Variants in DNAJC21 observed in about 807,000 individuals in gnomAD.
The protein encoded by DNAJC21 is DnaJ heat shock protein family (Hsp40) member C21, also known as dnaJ homolog subfamily C member 21.
A neutral mutation model predicts 72.4 loss-of-function variants in DNAJC21; 63 were observed. The observed-to-expected ratio is 0.87, with a 90% CI of 0.71 to 1.07. The LOEUF is 1.07. DNAJC21 is among the 50% of genes least tolerant of loss of function. The pLI is 0.00. For synonymous variants in DNAJC21, 203 were observed against 216.7 expected, an observed-to-expected ratio of 0.94 and a Z score of 0.56; for missense variants, 634 against 644.8, an observed-to-expected ratio of 0.98 and a Z score of 0.18.
chr5:34,937,624 A>C lies in DNAJC21; in HGVS notation c.737A>C (p.Gln246Pro), dbSNP rs777279263. 6.2e-7 allele frequency: 1 copy of C among 1,611,416 alleles called. No homozygotes were observed. Among genetic ancestry groups the C allele is most frequent in the Non-Finnish European group, 8.5e-7 (1 of 1,178,458 alleles). Residue 246 changes from glutamine (Q) to proline (P), a missense_variant, in exon 5 of 12, where the codon CAG (glutamine) becomes CCG (proline). Transcript: ENST00000648817. ...EEMRRQQKLK[Q>P]AKLVEQYREQ... Reference sequence around the variant, plus strand: ...ATGAGGCGGCAGCAGAAGCTAAAGCAGGCCAAGTGCGTAGCGTGCGTGGGG... The same window carrying C: ...ATGAGGCGGCAGCAGAAGCTAAAGCCGGCCAAGTGCGTAGCGTGCGTGGGG...
In DNAJC21 at chr5:34,937,380, G is replaced by T; in HGVS notation, c.493G>T (p.Ala165Ser). ...GAGTTTCTGCACTCAAAAGAATTTT[G>T]CATGGAAGGAAGAATATGATACACG... Reference protein sequence around the residue: ...WQSFCTQKNFAWKEEYDTRQA... With the variant: ...WQSFCTQKNFSWKEEYDTRQA... The change falls in exon 5 of 12, where the codon GCA becomes TCA. Residue 165 changes from alanine (A) to serine (S), a missense_variant. By Grantham distance (99) the Ala-to-Ser change is moderately conservative. Coordinates refer to ENST00000648817, the MANE Select transcript of DNAJC21 (RefSeq NM_001012339.3). 1.2e-6 allele frequency: 2 copies of T among 1,613,780 alleles called. No homozygotes were observed. The highest frequency in any genetic ancestry group is 1.7e-6 in the Non-Finnish European group (2 of 1,179,952).
At chr5:34,938,718 C>T in intron 5 of DNAJC21, 140 bp from the exon 6 acceptor site, 1 of 916,224 alleles carries the variant, frequency 1.1e-6, no homozygotes, top group Non-Finnish European at 1.5e-6. Flanking sequence ...TTGGTTTTAA[C>T]TAAGCACAGG....
At chr5:34,950,597 C>G in intron 10 of DNAJC21, 1 of 1,100,246 alleles carries the variant, frequency 9.1e-7, no homozygotes, top group Non-Finnish European at 1.1e-6. Flanking sequence ...TGATCCAGTT[C>G]TTGTTTACCT....
At chr5:34,950,024 A>G (rs1765307167) in intron 9 of DNAJC21, 146 bp from the exon 10 acceptor site, 5 of 915,430 alleles carry the variant, frequency 5.5e-6, no homozygotes, top group East Asian at 5.7e-5. Flanking sequence ...TTAATTTACT[A>G]TCACTGTAAT....
chr5:34,941,016 T>A (rs1764968441), intron 6 of DNAJC21, 80 bp from the exon 7 acceptor site: 11 of 1,211,282 alleles, frequency 9.1e-6, no homozygotes, highest in South Asian at 6.9e-5. Flanking sequence ...AATAAAAAAA[T>A]TTAATTTCTA....
In DNAJC21 at chr5:34,929,779, C is replaced by T; in HGVS notation, c.-41C>T. 2.6e-6 allele frequency: 3 copies of T among 1,163,036 alleles called. No homozygotes were observed. The highest frequency in any genetic ancestry group is 3.3e-6 in the Non-Finnish European group (3 of 917,278). The allele number at this position is 1,163,036 out of a possible 1,614,324, so 72.0% of individuals were successfully genotyped here. On this transcript the variant is annotated 5_prime_UTR_variant, in exon 1 of 12. Coordinates refer to ENST00000648817, the MANE Select transcript of DNAJC21 (RefSeq NM_001012339.3). ...TTCGGCCCGGGCCCGGGCCCCGACC[C>T]CGTCCCGGGCCCCAGCGCCGGCCGC...
Position 34,954,821 on chromosome 5 carries a change from T to C in DNAJC21, c.*107T>C, listed in dbSNP as rs535489147. The C allele has an allele frequency of 3.5e-5, 42 of 1,202,068 alleles. No homozygotes were observed. The highest frequency in any genetic ancestry group is 4.6e-5 in the Non-Finnish European group (42 of 904,632). The allele number at this position is 1,202,068 out of a possible 1,614,324, so 74.5% of individuals were successfully genotyped here. A position where few individuals can be genotyped will look rare whatever the true frequency, so the allele number is the denominator to read the frequency against. ...TTTCAGTGATCTGCAATTAATTACA[T>C]TGTGGAAGATTATTTTTTATCTTGT... is the stretch of plus-strand genomic sequence containing the variant. On this transcript the variant is annotated 3_prime_UTR_variant, in exon 12 of 12. Transcript: ENST00000648817.
chr5:34,931,257 A>G (rs187574518), intron 1 of DNAJC21, among the ~76,000 whole-genome samples: 7 of 152,356 alleles, frequency 4.6e-5, no homozygotes, highest in African/African-American at 1.7e-4. Context: ...AAATGTGATT[A>G]TAAATATATT....
intron 9 of DNAJC21, chr5:34,949,485 A>C: frequency 6.5e-7 from 1 of 1,549,158 alleles, no homozygotes; most frequent in Non-Finnish European, 8.7e-7. Flanking sequence ...GTAACAGATA[A>C]TATTAGCATT....
At chr5:34,931,092 GGT>G (rs899838917) in intron 1 of DNAJC21, among the ~76,000 whole-genome samples, 34 of 152,128 alleles carry the variant, frequency 2.2e-4, no homozygotes, top group African/African-American at 8.2e-4. Flanking sequence ...GACTGAAGGT[GGT>G]GTGTATTGCA....
At chr5:34,930,096 T>C (rs27160) in intron 1 of DNAJC21, 180 bp downstream of exon 1, 324,125 of 422,946 alleles carry the variant, frequency 0.77, 126,615 homozygotes, top group Non-Finnish European at 0.84. Context: ...CGAAGCGCTC[T>C]GCCCTGGCGC....
At chr5:34,933,757 T>G in intron 1 of DNAJC21, 58 bp from the exon 2 acceptor site, 1 of 1,414,696 alleles carries the variant, frequency 7.1e-7, no homozygotes, top group Non-Finnish European at 9.8e-7. Context: ...GGAAAATGTC[T>G]TATTTAGATT....
intron 7 of DNAJC21, 78 bp downstream of exon 7, chr5:34,941,261 A>T (rs1293946753): frequency 1.5e-6 from 2 of 1,304,470 alleles, no homozygotes; most frequent in Non-Finnish European, 2.2e-6. Flanking sequence ...GCAGTGGCAC[A>T]GTCATGACTC....
intron 8 of DNAJC21, 66 bp from the exon 9 acceptor site, chr5:34,945,695 T>G: frequency 7.0e-7 from 1 of 1,437,564 alleles, no homozygotes. Context: ...GTTTCAACTT[T>G]TTTTTTTTTC....
intron 1 of DNAJC21, chr5:34,930,133 T>G: frequency 1.0e-4 from 33 of 329,412 alleles, no homozygotes; most frequent in East Asian, 2.0e-4. Context: ...CATCTCCTCA[T>G]ACCCGCGACC....
intron 9 of DNAJC21, among the ~76,000 whole-genome samples, chr5:34,946,823 T>C (rs1335637412): frequency 1.3e-5 from 2 of 152,182 alleles, no homozygotes; most frequent in Non-Finnish European, 2.9e-5. Context: ...CTGTATTACC[T>C]TGATTAATGG....
intron 1 of DNAJC21, among the ~76,000 whole-genome samples, chr5:34,932,096 A>AG (rs1764616892): frequency 6.6e-6 from 1 of 152,194 alleles, no homozygotes. Flanking sequence ...ACTTCTTAGA[A>AG]GGGAAGTATT....
intron 1 of DNAJC21, among the ~76,000 whole-genome samples, chr5:34,931,851 A>G (rs1215915713): frequency 6.6e-6 from 1 of 152,214 alleles, no homozygotes; most frequent in Non-Finnish European, 1.5e-5. Flanking sequence ...AGATTTGGTG[A>G]TTAATTAGAA....
Position 34,929,757 on chromosome 5 carries a change from G to A in DNAJC21, c.-63G>A. The A allele has an allele frequency of 1.1e-6, 1 of 894,538 alleles. No individual in the cohort carries two copies. The highest frequency in any genetic ancestry group is 1.4e-6 in the Non-Finnish European group (1 of 730,392). The allele number at this position is 894,538 out of a possible 1,614,324, so 55.4% of individuals were successfully genotyped here. ...CCAGCGCCGCCGCCGCCGCCGCTTC[G>A]GCCCGGGCCCGGGCCCCGACCCCGT... is the stretch of plus-strand genomic sequence containing the variant. On this transcript the variant is annotated 5_prime_UTR_variant, in exon 1 of 12. Coordinates refer to ENST00000648817, the MANE Select transcript of DNAJC21 (RefSeq NM_001012339.3).
Sources: allele counts gnomAD v4.1 joint callset (sites outside exome capture counted in the v4.1 genomes callset), GRCh38; gene constraint gnomAD v4.1.1; transcripts MANE v1.5; gene names NCBI Gene and HGNC (gene_info 2026-07-23, HGNC 2026-07-21).